KIAA0825: variants seen among roughly 807,000 people sequenced by gnomAD.
KIAA0825 encodes the protein KIAA0825.
In KIAA0825, 119 loss-of-function variants were observed where a neutral mutation model predicts 147.6. The observed-to-expected ratio is 0.81, with a 90% confidence interval of 0.69 to 0.94. The LOEUF (loss-of-function observed/expected upper bound fraction) is 0.94, where lower values mean the gene tolerates loss of function less well. Among genes scored for constraint, KIAA0825 ranks in the 40% least tolerant of loss-of-function variants. The pLI is 0.00. For missense variants in KIAA0825, 1,381 were observed against 1,472.7 expected (o/e 0.94, Z 1.02); for synonymous variants, 470 against 518.1 (o/e 0.91, Z 1.26).
At chr5:94,243,087 G>GT (rs1213301405) in intron 20 of KIAA0825, among the ~76,000 whole-genome samples, 1 of 152,188 alleles carries the variant, frequency 6.6e-6, no homozygotes, top group Admixed American at 6.5e-5. Flanking sequence ...GGAAGCCTCA[G>GT]TTTCTCCTCT....
intron 20 of KIAA0825, among the ~76,000 whole-genome samples, chr5:94,254,936 G>A (rs73773600): frequency 0.01 from 1,590 of 152,080 alleles, 28 homozygotes; most frequent in African/African-American, 0.037. Flanking sequence ...AAGGATTACA[G>A]ATGTATTTCT....
chr5:94,615,897 C>T (rs184434758), intron 1 of KIAA0825, among the ~76,000 whole-genome samples: 1 of 151,996 alleles, frequency 6.6e-6, no homozygotes, highest in Non-Finnish European at 1.5e-5. Context: ...TCATAGTTCA[C>T]TGTGACCTAT....
intron 20 of KIAA0825, among the ~76,000 whole-genome samples, chr5:94,320,762 G>A (rs1472043580): frequency 6.6e-6 from 1 of 151,908 alleles, no homozygotes; most frequent in African/African-American, 2.4e-5. Flanking sequence ...ATTTACAATA[G>A]AAAAATATTG....
intron 5 of KIAA0825, among the ~76,000 whole-genome samples, chr5:94,488,451 T>C: frequency 6.6e-6 from 1 of 152,182 alleles, no homozygotes; most frequent in East Asian, 1.9e-4. Context: ...ACCAAAATAT[T>C]ATAAAGATAA....
Position 94,172,165 on chromosome 5 carries a change from T to C in KIAA0825, c.3711-18041A>G, listed in dbSNP as rs558555167. Among the ~76,000 whole-genome samples, 8 of 152,332 alleles carry C rather than the reference T, an allele frequency of 5.3e-5. No homozygotes were observed. In the South Asian group the frequency reaches 1.7e-3, roughly 32 times the overall value. ...GAAAAAGTATTAGAGATCTTCTGTG[T>C]ACTCCTCCATTTTACAGAAACTGAT... is the stretch of plus-strand genomic sequence containing the variant. On this transcript the variant is annotated intron_variant, in intron 20 of 20. Transcript: ENST00000682413.
intron 20 of KIAA0825, among the ~76,000 whole-genome samples, chr5:94,219,187 T>A (rs1773466989): frequency 6.6e-6 from 1 of 152,174 alleles, no homozygotes; most frequent in African/African-American, 2.4e-5. Context: ...TGTATATACA[T>A]GTATATATTA....
chr5:94,599,749 A>T (rs535018281), intron 1 of KIAA0825, among the ~76,000 whole-genome samples: 1 of 152,342 alleles, frequency 6.6e-6, no homozygotes, highest in African/African-American at 2.4e-5. Context: ...ATATATGCAA[A>T]TCATGTATCC....
At chr5:94,567,119 T>C (rs1778849496) in intron 2 of KIAA0825, among the ~76,000 whole-genome samples, 3 of 152,200 alleles carry the variant, frequency 2.0e-5, no homozygotes, top group Admixed American at 2.0e-4. Flanking sequence ...TTTCAAAGCG[T>C]AATTGGGAAT....
At chr5:94,502,890 C>G (rs955256065) in intron 5 of KIAA0825, among the ~76,000 whole-genome samples, 1 of 151,856 alleles carries the variant, frequency 6.6e-6, no homozygotes, top group Non-Finnish European at 1.5e-5. Flanking sequence ...GGGTGGATCA[C>G]TTGAAGTCAG....
At chr5:94,283,908 T>G (rs914237765) in intron 20 of KIAA0825, among the ~76,000 whole-genome samples, 1 of 152,136 alleles carries the variant, frequency 6.6e-6, no homozygotes, top group Non-Finnish European at 1.5e-5. Flanking sequence ...TTCTAAGTGT[T>G]GATGGAATCA....
At chr5:94,438,977 G>A (rs966659444) in intron 14 of KIAA0825, among the ~76,000 whole-genome samples, 2 of 152,176 alleles carry the variant, frequency 1.3e-5, no homozygotes, top group African/African-American at 4.8e-5. Context: ...TCAAAGCTCC[G>A]AAACATCAGC....
chr5:94,220,060 G>GT (rs1383871453), intron 20 of KIAA0825, among the ~76,000 whole-genome samples: 1 of 152,058 alleles, frequency 6.6e-6, no homozygotes, highest in East Asian at 1.9e-4. Context: ...CAAATACATT[G>GT]TATAGCTGTG....
intron 13 of KIAA0825, 91 bp downstream of exon 13, chr5:94,452,868 T>C (rs1333996563): frequency 9.6e-6 from 6 of 625,850 alleles, no homozygotes; most frequent in Admixed American, 4.2e-5. Context: ...TTGTAAGATA[T>C]AAGTTCGTTT....
intron 1 of KIAA0825, among the ~76,000 whole-genome samples, chr5:94,596,870 C>A (rs568057071): frequency 2.0e-4 from 31 of 151,970 alleles, no homozygotes; most frequent in Admixed American, 5.2e-4. Flanking sequence ...TGATTTGGCA[C>A]CATGCTTGGT....
chr5:94,244,980 T>C (rs1344841054), intron 20 of KIAA0825, among the ~76,000 whole-genome samples: 1 of 152,210 alleles, frequency 6.6e-6, no homozygotes, highest in African/African-American at 2.4e-5. Flanking sequence ...CACAACTAAG[T>C]GCTTTGCTAT....
chr5:94,214,979 T>C (rs1216198323), intron 20 of KIAA0825, among the ~76,000 whole-genome samples: 1 of 152,176 alleles, frequency 6.6e-6, no homozygotes, highest in Non-Finnish European at 1.5e-5. Flanking sequence ...TAAATCAAAA[T>C]ATTAAAGTGA....
chr5:94,540,452 T>C (rs1364833838), intron 2 of KIAA0825, among the ~76,000 whole-genome samples: 1 of 152,218 alleles, frequency 6.6e-6, no homozygotes, highest in African/African-American at 2.4e-5. Context: ...TGTAACCACA[T>C]GGCAGTACTT....
chr5:94,525,474 C>A (rs1023185181), intron 3 of KIAA0825, among the ~76,000 whole-genome samples: 1 of 151,878 alleles, frequency 6.6e-6, no homozygotes, highest in Admixed American at 6.6e-5. Flanking sequence ...GAAAACAATA[C>A]CTCCTCTGGC....
chr5:94,199,490 A>AG (rs1389566295), intron 20 of KIAA0825, among the ~76,000 whole-genome samples: 1 of 152,082 alleles, frequency 6.6e-6, no homozygotes. Flanking sequence ...CTGATGGGGA[A>AG]GGGGGGTGTG....
Sources: allele counts gnomAD v4.1 joint callset (sites outside exome capture counted in the v4.1 genomes callset), GRCh38; gene constraint gnomAD v4.1.1; transcripts MANE v1.5; gene names NCBI Gene and HGNC (gene_info 2026-07-23, HGNC 2026-07-21).